The following SYNPR variants were observed in gnomAD, a reference collection of about 807,000 sequenced individuals.
The protein encoded by SYNPR is synaptoporin.
A neutral mutation model predicts 32.9 loss-of-function variants in SYNPR; 23 were observed. That is an observed-to-expected ratio of 0.70 (90% CI 0.50 to 0.99). The LOEUF is 0.99. SYNPR is among the 50% of genes least tolerant of loss of function. SYNPR has a pLI of 0.00. For synonymous variants in SYNPR, 146 were observed against 135.9 expected, an observed-to-expected ratio of 1.07 and a Z score of -0.52; for missense variants, 318 against 349.3, an observed-to-expected ratio of 0.91 and a Z score of 0.71.
intron 2 of SYNPR, among the ~76,000 whole-genome samples, chr3:63,308,721 C>T (rs2086932164): frequency 6.6e-6 from 1 of 151,826 alleles, no homozygotes. Context: ...TGTCTTTTCT[C>T]CCTGGGTGCA....
intron 3 of SYNPR, among the ~76,000 whole-genome samples, chr3:63,542,969 A>G (rs1035635134): frequency 6.6e-6 from 1 of 152,140 alleles, no homozygotes; most frequent in African/African-American, 2.4e-5. Flanking sequence ...AGACCCCTCC[A>G]CATTTTTTAA....
At chr3:63,532,013 T>A (rs529085013) in intron 3 of SYNPR, among the ~76,000 whole-genome samples, 23 of 152,328 alleles carry the variant, frequency 1.5e-4, no homozygotes, top group African/African-American at 5.3e-4. Flanking sequence ...CAGGATTCAA[T>A]AAAATAATGA....
chr3:63,259,780 A>G (rs1245459893), intron 2 of SYNPR, among the ~76,000 whole-genome samples: 1 of 152,194 alleles, frequency 6.6e-6, no homozygotes, highest in African/African-American at 2.4e-5. Context: ...GAGGAAGTCA[A>G]ATTGTCCCTG....
intron 2 of SYNPR, among the ~76,000 whole-genome samples, chr3:63,450,012 G>A (rs1700349848): frequency 6.6e-6 from 1 of 152,122 alleles, no homozygotes; most frequent in Non-Finnish European, 1.5e-5. Context: ...ATTTCATGGG[G>A]AAAAAGGTAA....
intron 3 of SYNPR, among the ~76,000 whole-genome samples, chr3:63,507,361 C>T (rs1701609394): frequency 7.0e-6 from 1 of 143,490 alleles, no homozygotes; most frequent in Admixed American, 6.8e-5. Flanking sequence ...AAGTGCATAA[C>T]CTCAATCTAA....
chr3:63,344,735 G>A (rs1428362282), intron 2 of SYNPR, among the ~76,000 whole-genome samples: 1 of 151,950 alleles, frequency 6.6e-6, no homozygotes, highest in Non-Finnish European at 1.5e-5. Flanking sequence ...TAAATGCAGA[G>A]CCGGCCAAGT....
In SYNPR at chr3:63,432,709, T is replaced by C. The variant is rs181018844; in HGVS notation, c.85-48123T>C. ...GTCCTGAGGCCTCACTGATCTTGTT[T>C]CCACACTGTGGAGCTGATGCCTGCA... On this transcript the variant is annotated intron_variant, in intron 2 of 5. Transcript: ENST00000478300. Among the ~76,000 whole-genome samples the C allele has an allele frequency of 7.9e-3, 1,202 of 152,320 alleles. 17 individuals carry two copies. The highest frequency in any genetic ancestry group is 9.2e-3 in the Non-Finnish European group (625 of 68,024).
chr3:63,279,840 G>C (rs2086611876), intron 2 of SYNPR, among the ~76,000 whole-genome samples: 1 of 152,150 alleles, frequency 6.6e-6, no homozygotes, highest in African/African-American at 2.4e-5. Flanking sequence ...TTGTAGACTT[G>C]AATGAAAATG....
intron 2 of SYNPR, among the ~76,000 whole-genome samples, chr3:63,371,149 A>T (rs1023045201): frequency 2.6e-5 from 4 of 152,000 alleles, no homozygotes; most frequent in African/African-American, 9.7e-5. Flanking sequence ...CCTCGGAAAA[A>T]TGATGAGTGA....
At chr3:63,210,259 G>T in the SYNPR span, among the ~76,000 whole-genome samples, 8 of 152,290 alleles carry the variant, frequency 5.3e-5, 1 homozygote, top group Admixed American at 4.6e-4. Flanking sequence ...CCTACTGTAT[G>T]CTGGGTGCTG....
At chr3:63,218,796 G>A in the SYNPR span, among the ~76,000 whole-genome samples, 1 of 152,166 alleles carries the variant, frequency 6.6e-6, no homozygotes, top group Non-Finnish European at 1.5e-5. Context: ...AACAGGACAT[G>A]AGCTCTCCGG....
At chr3:63,557,991 G>T (rs1702622404) in intron 4 of SYNPR, among the ~76,000 whole-genome samples, 1 of 152,206 alleles carries the variant, frequency 6.6e-6, no homozygotes, top group South Asian at 2.1e-4. Flanking sequence ...TAACTAAGAT[G>T]AGTTAATGTC....
chr3:63,365,512 A>C (rs1251891368), intron 2 of SYNPR, among the ~76,000 whole-genome samples: 3 of 152,224 alleles, frequency 2.0e-5, no homozygotes, highest in Non-Finnish European at 4.4e-5. Context: ...TTGGTTAATT[A>C]GAAGTTAACA....
chr3:63,569,480 G>A (rs1352222711), intron 4 of SYNPR, among the ~76,000 whole-genome samples: 1 of 152,070 alleles, frequency 6.6e-6, no homozygotes, highest in Non-Finnish European at 1.5e-5. Flanking sequence ...TCTTCCCAGA[G>A]AATAAAAAAA....
chr3:63,542,489 T>C (rs1324735568), intron 3 of SYNPR, among the ~76,000 whole-genome samples: 1 of 152,126 alleles, frequency 6.6e-6, no homozygotes, highest in African/African-American at 2.4e-5. Context: ...GTAATGTTTA[T>C]ACTGAGTAAT....
In SYNPR at chr3:63,516,936, C is replaced by A. The variant is rs59129106; in HGVS notation, c.209+35980C>A. On this transcript the variant is annotated intron_variant, in intron 3 of 5. Transcript: ENST00000478300. Reference sequence around the variant, plus strand: ...AATGTAATATATATTCATGAAGCCTCTGAATAATGTTGTATGTGATGTTAT... The same window carrying A: ...AATGTAATATATATTCATGAAGCCTATGAATAATGTTGTATGTGATGTTAT... Among the ~76,000 whole-genome samples the A allele has an allele frequency of 3.3e-3, 500 of 152,188 alleles. 2 individuals carry two copies. The highest frequency in any genetic ancestry group is 0.011 in the African/African-American group (476 of 41,542).
chr3:63,366,863 G>T (rs17068377), intron 2 of SYNPR, among the ~76,000 whole-genome samples: 20,516 of 152,196 alleles, frequency 0.13, 2,151 homozygotes, highest in East Asian at 0.57. Context: ...CACAGTTAGT[G>T]TACAGACTGA....
Position 63,356,601 on chromosome 3 carries a change from T to C in SYNPR, c.84+77859T>C, listed in dbSNP as rs188453881. 4.4e-3 allele frequency among the ~76,000 whole-genome samples: 668 copies of C among 152,336 alleles called. 2 individuals are homozygous for C. The highest frequency in any genetic ancestry group is 0.013 in the South Asian group (65 of 4,824). On this transcript the variant is annotated intron_variant, in intron 2 of 5. Transcript: ENST00000478300. ...ACTGGGTCAGTGCCCTCCTCAGTTC[T>C]CTGTGCCCTCAAATAACTCATTGCA...
intron 2 of SYNPR, among the ~76,000 whole-genome samples, chr3:63,460,888 G>A (rs1043084856): frequency 6.6e-6 from 1 of 152,072 alleles, no homozygotes; most frequent in Non-Finnish European, 1.5e-5. Context: ...CCACCACTCT[G>A]GGCAAATGAT....
Sources: gnomAD v4.1 joint callset for allele counts (sites outside exome capture counted in the v4.1 genomes callset) on GRCh38, gnomAD v4.1.1 for gene constraint, MANE v1.5 for transcripts, NCBI Gene and HGNC (gene_info 2026-07-23, HGNC 2026-07-21) for gene names.